The following FAM219B variants were observed in gnomAD, a reference collection of about 807,000 sequenced individuals.
FAM219B encodes family with sequence similarity 219 member B, also known as protein FAM219B.
A neutral mutation model predicts 19.9 loss-of-function variants in FAM219B; 18 were observed. That is an observed-to-expected ratio of 0.91 (90% CI 0.63 to 1.34). The LOEUF is 1.34. Among genes scored for constraint, FAM219B ranks in the 40% most tolerant of loss-of-function variants. The pLI is 0.00. For synonymous variants in FAM219B, 123 were observed against 117.5 expected, an observed-to-expected ratio of 1.05 and a Z score of -0.30; for missense variants, 283 against 270.5, an observed-to-expected ratio of 1.05 and a Z score of -0.32.
At chr15:74,904,620 C>A in intron 4 of FAM219B, 44 bp downstream of exon 4, 1 of 1,610,886 alleles carries the variant, frequency 6.2e-7, no homozygotes. Context: ...GGTGGTAATG[C>A]TGCCTGCAGC....
At position 74,902,526 on chromosome 15, in the gene FAM219B, G is replaced by A; in HGVS notation, c.*93C>T. On this transcript the variant is annotated 3_prime_UTR_variant, in exon 5 of 5. Coordinates refer to ENST00000357635, the MANE Select transcript of FAM219B (RefSeq NM_020447.5). The stretch of plus-strand genomic sequence containing the variant: ...TGCAGGTCACTTTCTAGGGGTCAGT[G>A]ACTTCAGTGCTCACTGCACTGTGTG... 1.5e-6 allele frequency: 2 copies of A among 1,326,490 alleles called. No individual in the cohort carries two copies. Among genetic ancestry groups the A allele is most frequent in the Non-Finnish European group, 2.0e-6 (2 of 995,582 alleles). 82.2% of individuals were successfully genotyped at this position (1,326,490 alleles called of 1,614,324 possible).
At chr15:74,902,907 C>T in intron 4 of FAM219B, 121 bp from the exon 5 acceptor site, 1 of 1,044,100 alleles carries the variant, frequency 9.6e-7, no homozygotes, top group Non-Finnish European at 1.4e-6. Flanking sequence ...CCAGGCCAAC[C>T]CCACACATCC....
rs540736090 is a variant in FAM219B, at chr15:74,902,312, C to G, written c.*307G>C. 15 of 402,562 alleles carry G rather than the reference C, an allele frequency of 3.7e-5. No homozygotes were observed. The highest frequency in any genetic ancestry group is 2.7e-4 in the African/African-American group (13 of 48,832). The allele number at this position is 402,562 out of a possible 1,614,324, so 24.9% of individuals were successfully genotyped here. A position where few individuals can be genotyped will look rare whatever the true frequency, so the allele number is the denominator to read the frequency against. On this transcript the variant is annotated 3_prime_UTR_variant, in exon 5 of 5. Coordinates refer to ENST00000357635, the MANE Select transcript of FAM219B (RefSeq NM_020447.5). ...AGCACTATGACAAATACCAATCAAG[C>G]TGTCTGCAAGTGTTTTCCTTAGCCA... is the stretch of plus-strand genomic sequence containing the variant.
Position 74,906,709 on chromosome 15 carries a change from G to C in FAM219B, c.92C>G (p.Ala31Gly). Residue 31 changes from alanine (A) to glycine (G), a missense_variant, in exon 1 of 5, where the codon GCG (alanine) becomes GGG (glycine). Coordinates refer to ENST00000357635, the MANE Select transcript of FAM219B (RefSeq NM_020447.5). ...ACCGATCTGCCCGGAGGGTGGCCCCGCAGCTCCCGGCGCGCGGTCCCGAGC... is the reference window on the plus strand; with the variant it reads ...ACCGATCTGCCCGGAGGGTGGCCCCCCAGCTCCCGGCGCGCGGTCCCGAGC... ...SGARDRAPGA[A>G]GPPSGQIGNR... The C allele has an allele frequency of 7.2e-7, 1 of 1,394,424 alleles. No individual in the cohort carries two copies. Among genetic ancestry groups the C allele is most frequent in the Non-Finnish European group, 9.3e-7 (1 of 1,072,274 alleles). The allele number at this position is 1,394,424 out of a possible 1,614,324, so 86.4% of individuals were successfully genotyped here.
downstream of FAM219B, chr15:74,898,465 G>A (rs1407628616): frequency 6.2e-6 from 1 of 160,038 alleles, no homozygotes; most frequent in Non-Finnish European, 1.4e-5. Context: ...GGCACAGCTT[G>A]CAAGCAGCCC....
Position 74,902,601 on chromosome 15 carries a change from C to T in FAM219B, c.*18G>A. On this transcript the variant is annotated 3_prime_UTR_variant, in exon 5 of 5. Transcript: ENST00000357635. The stretch of plus-strand genomic sequence containing the variant: ...TGTAGGCCTCATGGTGAGCAGGGCC[C>T]ACCTTGGAGGGTAATGTCTACTGGA... 1 of 1,587,210 alleles carries T rather than the reference C, an allele frequency of 6.3e-7. No individual in the cohort carries two copies.
chr15:74,898,541 C>CT (rs1023381946), downstream of FAM219B: 3,641 of 143,242 alleles, frequency 0.025, 51 homozygotes, highest in Admixed American at 0.033. Flanking sequence ...CTGTTTTTCT[C>CT]TTTTTTTTTT....
At chr15:74,898,406 C>G (rs918509370), downstream of FAM219B, 1 of 169,184 alleles carries the variant, frequency 5.9e-6, no homozygotes, top group Non-Finnish European at 1.3e-5. Flanking sequence ...AGGAAGCCAG[C>G]TTTGGCCTCA....
At chr15:74,905,295 G>A (rs1263739281) in intron 2 of FAM219B, 64 bp from the exon 3 acceptor site, 2 of 1,524,292 alleles carry the variant, frequency 1.3e-6, no homozygotes, top group African/African-American at 1.4e-5. Flanking sequence ...CACAGGGATA[G>A]GCAGAGTCCT....
At chr15:74,903,442 AT>A (rs2065047929) in intron 4 of FAM219B, among the ~76,000 whole-genome samples, 1 of 151,952 alleles carries the variant, frequency 6.6e-6, no homozygotes, top group African/African-American at 2.4e-5. Context: ...CTACTAAAAA[AT>A]AGAAAAAATT....
downstream of FAM219B, chr15:74,898,645 C>T (rs1246291350): frequency 6.6e-6 from 1 of 152,208 alleles, no homozygotes; most frequent in East Asian, 1.9e-4. Flanking sequence ...TCACGCCACT[C>T]TTCTGCCTCA....
intron 3 of FAM219B, 159 bp from the exon 4 acceptor site, chr15:74,904,871 C>T: frequency 7.1e-7 from 1 of 1,418,232 alleles, no homozygotes; most frequent in Non-Finnish European, 9.7e-7. Flanking sequence ...ATACTGGTTC[C>T]CTCAATTGGT....
chr15:74,903,805 C>A (rs141292755), intron 4 of FAM219B, among the ~76,000 whole-genome samples: 1 of 151,950 alleles, frequency 6.6e-6, no homozygotes, highest in Admixed American at 6.6e-5. Context: ...GAGTCAGGTC[C>A]CCAGCACTTC....
Position 74,904,681 on chromosome 15 carries a change from C to A in FAM219B, c.412G>T (p.Gly138Trp), listed in dbSNP as rs138545501. The part of the protein sequence containing the change: ...DGELGSRYSS[G>W]YSSAEQVNQD... ...GGACTTGCCTCTGCAGATGAATACC[C>A]GGAGGAGTATCTGGATCCCAGCTCC... Residue 138 changes from glycine (G) to tryptophan (W), a missense_variant, in exon 4 of 5, where the codon GGG becomes TGG. Coordinates refer to ENST00000357635, the MANE Select transcript of FAM219B (RefSeq NM_020447.5). 1 of 1,614,042 alleles carries A rather than the reference C, an allele frequency of 6.2e-7. No homozygotes were observed. The highest frequency in any genetic ancestry group is 8.5e-7 in the Non-Finnish European group (1 of 1,180,018).
Position 74,902,477 on chromosome 15 carries a change from G to T in FAM219B, c.*142C>A. The stretch of plus-strand genomic sequence containing the variant: ...CAGCCCAGATGGGGGCCTCTGGCCT[G>T]AGAAGCAACAGGTAAGGGCTACCTG... On this transcript the variant is annotated 3_prime_UTR_variant, in exon 5 of 5. Transcript: ENST00000357635. The T allele has an allele frequency of 1.3e-6, 1 of 773,642 alleles. No homozygotes were observed. Among genetic ancestry groups the T allele is most frequent in the Non-Finnish European group, 1.9e-6 (1 of 535,820 alleles). 47.9% of individuals were successfully genotyped at this position (773,642 alleles called of 1,614,324 possible).
intron 4 of FAM219B, among the ~76,000 whole-genome samples, chr15:74,903,286 G>C (rs2065040522): frequency 6.6e-6 from 1 of 152,118 alleles, no homozygotes; most frequent in Non-Finnish European, 1.5e-5. Context: ...TTGTTGGTTG[G>C]TTTCATCAGT....
In FAM219B at chr15:74,906,574, G is replaced by T; in HGVS notation, c.214+13C>A. The T allele has an allele frequency of 6.7e-7, 1 of 1,498,822 alleles. No individual in the cohort carries two copies. Among genetic ancestry groups the T allele is most frequent in the Non-Finnish European group, 8.9e-7 (1 of 1,125,140 alleles). 92.8% of individuals were successfully genotyped at this position (1,498,822 alleles called of 1,614,324 possible). On this transcript the variant is annotated intron_variant, in intron 1 of 4. Coordinates refer to ENST00000357635, the MANE Select transcript of FAM219B (RefSeq NM_020447.5). ...CAGGGAGAAACCTCCCCCGACCATC[G>T]GGCCACACTCACGCAGCTTGGCTTG...
At chr15:74,906,216 G>C (rs2065182068) in intron 2 of FAM219B, 62 bp downstream of exon 2, 4 of 1,565,720 alleles carry the variant, frequency 2.6e-6, no homozygotes, top group Non-Finnish European at 3.5e-6. Flanking sequence ...CCCTGCCTCC[G>C]TCCTGGGGAT....
rs2064887352 is a variant in FAM219B, at chr15:74,900,052, CTA to C, written c.*2565_*2566del. ...GCTGTAGAAGTGCAAGCCAAGAGTT[CTA>C]TAGAGTAGTACATAAACACCATATG... is the stretch of plus-strand genomic sequence containing the variant. On this transcript the variant is annotated 3_prime_UTR_variant, in exon 5 of 5. Coordinates refer to ENST00000357635, the MANE Select transcript of FAM219B (RefSeq NM_020447.5). 6.6e-6 allele frequency: 1 copy of C among 152,206 alleles called. No homozygotes were observed. Among genetic ancestry groups the C allele is most frequent in the South Asian group, 2.1e-4 (1 of 4,834 alleles). The allele number at this position is 152,206 out of a possible 1,614,324, so 9.4% of individuals were successfully genotyped here. A position where few individuals can be genotyped will look rare whatever the true frequency, so the allele number is the denominator to read the frequency against.
Sources: allele counts gnomAD v4.1 joint callset (sites outside exome capture counted in the v4.1 genomes callset), GRCh38; gene constraint gnomAD v4.1.1; transcripts MANE v1.5; gene names NCBI Gene and HGNC (gene_info 2026-07-23, HGNC 2026-07-21).